TENM3: variants seen among roughly 807,000 people sequenced by gnomAD.
TENM3 encodes the protein teneurin transmembrane protein 3, also known as teneurin-3.
TENM3 carries 63 observed loss-of-function variants against 255.1 expected under a neutral mutation model. The observed-to-expected ratio is 0.25, with a 90% confidence interval of 0.20 to 0.30. The LOEUF is 0.30. TENM3 is among the 10% of genes least tolerant of loss of function. The pLI is 1.00. For synonymous variants in TENM3, 1,306 were observed against 1,322.3 expected (o/e 0.99, Z 0.27); for missense variants, 2,929 against 3,461.1 (o/e 0.85, Z 3.86).
chr4:181,770,578 G>A, the TENM3 span, among the ~76,000 whole-genome samples: 4 of 151,280 alleles, frequency 2.6e-5, no homozygotes, highest in Non-Finnish European at 5.9e-5. Context: ...GGGAGGCTGA[G>A]GTAGGAGAAT....
chr4:182,479,464 G>C (rs1026396632), intron 3 of TENM3, among the ~76,000 whole-genome samples: 2 of 151,874 alleles, frequency 1.3e-5, no homozygotes, highest in Non-Finnish European at 2.9e-5. Context: ...TCAGGCTTAT[G>C]AGTACTTAAT....
At chr4:182,283,135 A>G (rs1351319966) in intron 1 of TENM3, among the ~76,000 whole-genome samples, 1 of 152,180 alleles carries the variant, frequency 6.6e-6, no homozygotes, top group South Asian at 2.1e-4. Context: ...AATTGACTTC[A>G]ACGTAAATAA....
chr4:182,106,860 C>T, the TENM3 span, among the ~76,000 whole-genome samples: 1 of 152,066 alleles, frequency 6.6e-6, no homozygotes, highest in Non-Finnish European at 1.5e-5. Context: ...CATATTTCAG[C>T]TCATGGGACA....
At chr4:181,696,480 T>C in the TENM3 span, among the ~76,000 whole-genome samples, 8 of 152,228 alleles carry the variant, frequency 5.3e-5, no homozygotes, top group Non-Finnish European at 1.0e-4. Flanking sequence ...CGTATTAACA[T>C]GAAACATTCT....
intron 3 of TENM3, among the ~76,000 whole-genome samples, chr4:182,374,001 A>G (rs1241996568): frequency 1.3e-5 from 2 of 152,192 alleles, no homozygotes; most frequent in Admixed American, 1.3e-4. Flanking sequence ...CAGGGACTAC[A>G]AAGCTGAAAA....
At chr4:181,451,303 CAG>C in the TENM3 span, among the ~76,000 whole-genome samples, 1 of 151,916 alleles carries the variant, frequency 6.6e-6, no homozygotes. Flanking sequence ...AGCCTGCAAA[CAG>C]AGAAAAAAAC....
At chr4:181,562,576 T>C in the TENM3 span, among the ~76,000 whole-genome samples, 1 of 152,226 alleles carries the variant, frequency 6.6e-6, no homozygotes, top group Non-Finnish European at 1.5e-5. Context: ...TTTTTTCTTT[T>C]GCCCTTATCT....
At chr4:182,123,152 GTTA>G in the TENM3 span, among the ~76,000 whole-genome samples, 6 of 152,094 alleles carry the variant, frequency 3.9e-5, no homozygotes, top group Admixed American at 3.3e-4. Flanking sequence ...CTGTTTTGTT[GTTA>G]TTGTTGTTGT....
At chr4:182,033,519 T>C in the TENM3 span, among the ~76,000 whole-genome samples, 1 of 152,296 alleles carries the variant, frequency 6.6e-6, no homozygotes, top group South Asian at 2.1e-4. Flanking sequence ...CTGTTGTTTT[T>C]CGAGGGAGAG....
the TENM3 span, among the ~76,000 whole-genome samples, chr4:181,567,769 C>T: frequency 1.3e-5 from 2 of 152,102 alleles, no homozygotes; most frequent in Non-Finnish European, 1.5e-5. Flanking sequence ...GTGTGTGACA[C>T]ATGAGGTCTT....
rs191785654 is a variant in TENM3 at position 182,650,519 on chromosome 4, A to G, written c.989-3252A>G. Among the ~76,000 whole-genome samples the G allele has an allele frequency of 2.7e-5, 4 of 149,962 alleles. 1 individual carries two copies. Among genetic ancestry groups the G allele is most frequent in the South Asian group, 4.4e-4 (2 of 4,538 alleles). On this transcript the variant is annotated intron_variant, in intron 5 of 27. Transcript: ENST00000511685. ...TTTTTTTCTGCCAGATACCCCATTT[A>G]GTTTTATTACACCACTGCTCAGTAA... is the stretch of plus-strand genomic sequence containing the variant.
chr4:182,215,373 T>C (rs1001438496), intron 1 of TENM3, among the ~76,000 whole-genome samples: 3 of 152,180 alleles, frequency 2.0e-5, no homozygotes, highest in African/African-American at 2.4e-5. Context: ...AAATTACCAC[T>C]TCACTCGATG....
At chr4:182,163,659 C>T (rs748818050) in intron 1 of TENM3, among the ~76,000 whole-genome samples, 1 of 152,184 alleles carries the variant, frequency 6.6e-6, no homozygotes, top group Non-Finnish European at 1.5e-5. Flanking sequence ...ATTTAGAGAT[C>T]ATACAGGCAG....
intron 3 of TENM3, among the ~76,000 whole-genome samples, chr4:182,472,716 G>A (rs1157926816): frequency 7.1e-6 from 1 of 141,652 alleles, no homozygotes; most frequent in African/African-American, 2.6e-5. Context: ...TAAATAAATT[G>A]TTATATCACA....
chr4:181,661,813 C>T, the TENM3 span, among the ~76,000 whole-genome samples: 34 of 151,662 alleles, frequency 2.2e-4, no homozygotes, highest in East Asian at 6.4e-3. Context: ...TGGATTTTTC[C>T]CTCTTTCTTC....
At chr4:181,667,766 G>A in the TENM3 span, among the ~76,000 whole-genome samples, 3 of 152,090 alleles carry the variant, frequency 2.0e-5, no homozygotes, top group African/African-American at 7.2e-5. Flanking sequence ...CTTTGTTATA[G>A]CCTCACAGAA....
At chr4:181,524,386 A>C in the TENM3 span, among the ~76,000 whole-genome samples, 2 of 152,218 alleles carry the variant, frequency 1.3e-5, no homozygotes, top group Admixed American at 1.3e-4. Flanking sequence ...TTGACACGAA[A>C]GGCTTAAATG....
At chr4:181,490,415 C>T in the TENM3 span, among the ~76,000 whole-genome samples, 3 of 152,176 alleles carry the variant, frequency 2.0e-5, no homozygotes, top group Non-Finnish European at 2.9e-5. Context: ...CAGTCAATAA[C>T]GTATCTGGGA....
chr4:182,651,810 A>C (rs1183054266), intron 5 of TENM3, among the ~76,000 whole-genome samples: 1 of 141,466 alleles, frequency 7.1e-6, no homozygotes, highest in Non-Finnish European at 1.5e-5. Context: ...GTCGCTATCT[A>C]CCTATTTTTG....
Sources: allele counts gnomAD v4.1 joint callset (sites outside exome capture counted in the v4.1 genomes callset), GRCh38; gene constraint gnomAD v4.1.1; transcripts MANE v1.5; gene names NCBI Gene and HGNC (gene_info 2026-07-23, HGNC 2026-07-21).